The following PRKCH variants were observed in gnomAD, a reference collection of about 807,000 sequenced individuals.
PRKCH encodes the protein protein kinase C eta, also known as protein kinase C eta type.
A neutral mutation model predicts 82.5 loss-of-function variants in PRKCH; 28 were observed. That is an observed-to-expected ratio of 0.34 (90% CI 0.25 to 0.47). PRKCH has a LOEUF of 0.47. Among genes scored for constraint, PRKCH ranks in the 20% least tolerant of loss-of-function variants. The pLI is 1.00. For missense variants in PRKCH, 705 were observed against 881.8 expected (o/e 0.80, Z 2.54); for synonymous variants, 322 against 327.4 (o/e 0.98, Z 0.18).
intron 1 of PRKCH, among the ~76,000 whole-genome samples, chr14:61,206,077 G>A (rs548911708): frequency 2.0e-5 from 3 of 152,320 alleles, no homozygotes; most frequent in East Asian, 3.9e-4. Flanking sequence ...GGAGAAGGGA[G>A]GAGTTAAGAT....
chr14:61,534,186 A>G (rs2043078298), intron 12 of PRKCH, among the ~76,000 whole-genome samples: 1 of 152,210 alleles, frequency 6.6e-6, no homozygotes, highest in Non-Finnish European at 1.5e-5. Flanking sequence ...CAGAATTACC[A>G]TATGATCTAG....
At chr14:61,405,713 T>C (rs935410979) in intron 2 of PRKCH, among the ~76,000 whole-genome samples, 28 of 152,158 alleles carry the variant, frequency 1.8e-4, no homozygotes, top group Non-Finnish European at 4.4e-5. Context: ...TGAACTATCA[T>C]TTGTTGAGGA....
At chr14:61,353,894 A>G (rs1428461932) in intron 1 of PRKCH, 1 of 152,210 alleles carries the variant, frequency 6.6e-6, no homozygotes, top group East Asian at 1.9e-4. Flanking sequence ...CTATGATTGC[A>G]CCGCTACACT....
chr14:61,481,121 C>G (rs1885952579), intron 9 of PRKCH, among the ~76,000 whole-genome samples: 1 of 152,204 alleles, frequency 6.6e-6, no homozygotes, highest in Non-Finnish European at 1.5e-5. Flanking sequence ...TGTGCTGTGT[C>G]TGCATGTCCA....
intron 2 of PRKCH, among the ~76,000 whole-genome samples, chr14:61,432,864 G>A (rs908330609): frequency 1.3e-5 from 2 of 151,110 alleles, no homozygotes; most frequent in East Asian, 1.9e-4. Flanking sequence ...GTGAGCCACC[G>A]TGATCCCCTT....
At chr14:61,274,832 A>G (rs931177642) in intron 1 of PRKCH, among the ~76,000 whole-genome samples, 2 of 152,166 alleles carry the variant, frequency 1.3e-5, no homozygotes, top group African/African-American at 4.8e-5. Context: ...AGGGTTGGAG[A>G]CACAGATTAT....
chr14:61,272,970 C>A (rs979290637), intron 1 of PRKCH, among the ~76,000 whole-genome samples: 9 of 152,134 alleles, frequency 5.9e-5, no homozygotes, highest in Non-Finnish European at 1.2e-4. Flanking sequence ...TTTCCAGAAT[C>A]AGAGGAAAGT....
rs547563899 is a variant in PRKCH at position 61,457,478 on chromosome 14, C to T, written c.1105-28C>T. On this transcript the variant is annotated intron_variant, in intron 8 of 13. Coordinates refer to ENST00000332981, the MANE Select transcript of PRKCH (RefSeq NM_006255.5). The stretch of plus-strand genomic sequence containing the variant: ...CCTAAGACCCCCAAGAGGACTCCCT[C>T]ATGCTCCCTCCTTTTGCTTTGCCAT... The T allele has an allele frequency of 1.4e-5, 22 of 1,610,432 alleles. No individual in the cohort carries two copies. The South Asian group carries it at 2.2e-4, about 16-fold the overall frequency.
At position 61,550,243 on chromosome 14, in the gene PRKCH, C is replaced by A; in HGVS notation, c.*412C>A. 1 of 157,836 alleles carries A rather than the reference C, an allele frequency of 6.3e-6. No homozygotes were observed. Among genetic ancestry groups the A allele is most frequent in the Non-Finnish European group, 1.4e-5 (1 of 71,964 alleles). 9.8% of individuals were successfully genotyped at this position (157,836 alleles called of 1,614,324 possible). A position where few individuals can be genotyped will look rare whatever the true frequency, so the allele number is the denominator to read the frequency against. ...GTGCTCTTCTTTAAGCCAATGAACCCCAATTCCTGGCAGTCTACAAGAAGT... is the reference window on the plus strand; with the variant it reads ...GTGCTCTTCTTTAAGCCAATGAACCACAATTCCTGGCAGTCTACAAGAAGT... On this transcript the variant is annotated 3_prime_UTR_variant, in exon 14 of 14. Coordinates refer to ENST00000332981, the MANE Select transcript of PRKCH (RefSeq NM_006255.5).
intron 1 of PRKCH, among the ~76,000 whole-genome samples, chr14:61,368,487 G>A (rs1032002031): frequency 2.0e-5 from 3 of 152,034 alleles, no homozygotes; most frequent in African/African-American, 4.8e-5. Flanking sequence ...ACTGAACTGC[G>A]AGGAAAGGCT....
chr14:61,396,049 C>T (rs1017393034), intron 2 of PRKCH, among the ~76,000 whole-genome samples: 71 of 148,314 alleles, frequency 4.8e-4, no homozygotes, highest in African/African-American at 1.7e-3. Flanking sequence ...CACTGCACTC[C>T]AGCTTGGGTG....
At chr14:61,325,432 G>A (rs891899217) in intron 1 of PRKCH, among the ~76,000 whole-genome samples, 1 of 152,198 alleles carries the variant, frequency 6.6e-6, no homozygotes, top group East Asian at 1.9e-4. Context: ...ACAGTAATAT[G>A]AGCCTTGACA....
At chr14:61,374,581 A>C (rs1208461565) in intron 1 of PRKCH, among the ~76,000 whole-genome samples, 1 of 152,078 alleles carries the variant, frequency 6.6e-6, no homozygotes, top group African/African-American at 2.4e-5. Flanking sequence ...GTACACCCAC[A>C]GGCCCAACAC....
At chr14:61,317,280 T>A (rs568990672), upstream of PRKCH, among the ~76,000 whole-genome samples, 4 of 152,104 alleles carry the variant, frequency 2.6e-5, no homozygotes, top group Non-Finnish European at 5.9e-5. Context: ...CTCCTTCCCA[T>A]CCCAGCCAAA....
rs191338713 is a variant in PRKCH at position 61,284,206 on chromosome 14, C to T, written c.-19+96538C>T. Among the ~76,000 whole-genome samples, 4 of 152,284 alleles carry T rather than the reference C, an allele frequency of 2.6e-5. No homozygotes were observed. The South Asian group carries it at 6.2e-4, about 24-fold the overall frequency. ...AGAATGCAGCTGGGTATTGGGCTCC[C>T]GCACCTCAGGCTGGGAGAAAGAAAT... On this transcript the variant is annotated intron_variant, in intron 1 of 3. Transcript: ENST00000555185.
intron 1 of PRKCH, among the ~76,000 whole-genome samples, chr14:61,197,643 C>T (rs923691824): frequency 2.0e-5 from 3 of 152,150 alleles, no homozygotes; most frequent in African/African-American, 7.2e-5. Flanking sequence ...TGAATTAATC[C>T]ATTCATGAGA....
Position 61,371,682 on chromosome 14 carries a change from G to A in PRKCH, c.364-19543G>A, listed in dbSNP as rs59628304. On this transcript the variant is annotated intron_variant, in intron 1 of 13. Transcript: ENST00000332981. ...ATCAAAACGACCTATCACTGTTGAT[G>A]TGAACCTTGATTGCATGGCTAAAAT... 3.2e-4 allele frequency among the ~76,000 whole-genome samples: 49 copies of A among 151,948 alleles called. 2 individuals carry two copies. The East Asian group carries it at 8.9e-3, about 27-fold the overall frequency.
At chr14:61,281,065 G>A (rs972486573) in intron 1 of PRKCH, 35 of 1,519,818 alleles carry the variant, frequency 2.3e-5, no homozygotes, top group East Asian at 5.3e-5. Flanking sequence ...CGACAGCAGC[G>A]GCTGCCAGGC....
intron 1 of PRKCH, among the ~76,000 whole-genome samples, chr14:61,342,472 A>G (rs542296911): frequency 2.6e-5 from 4 of 152,256 alleles, no homozygotes; most frequent in Non-Finnish European, 5.9e-5. Flanking sequence ...ATCTGCATAT[A>G]TGTGAAGCTA....
Sources: allele counts gnomAD v4.1 joint callset (sites outside exome capture counted in the v4.1 genomes callset), GRCh38; gene constraint gnomAD v4.1.1; transcripts MANE v1.5; gene names NCBI Gene and HGNC (gene_info 2026-07-23, HGNC 2026-07-21).